Variants in FBXL18 observed in about 807,000 individuals in gnomAD.
FBXL18 encodes the protein F-box and leucine rich repeat protein 18, also known as F-box/LRR-repeat protein 18.
In FBXL18, 36 loss-of-function variants were observed where a neutral mutation model predicts 46.0. The observed-to-expected ratio is 0.78, with a 90% CI of 0.60 to 1.03. The LOEUF (loss-of-function observed/expected upper bound fraction) is 1.03. FBXL18 is among the 50% of genes least tolerant of loss of function. FBXL18 has a pLI of 0.00. For missense variants in FBXL18, 977 were observed against 1,004.1 expected (o/e 0.97, Z 0.36); for synonymous variants, 557 against 465.3 (o/e 1.20, Z -2.54).
chr7:5,461,062 G>C (rs1475338542), intron 4 of FBXL18, among the ~76,000 whole-genome samples: 1 of 152,214 alleles, frequency 6.6e-6, no homozygotes, highest in Non-Finnish European at 1.5e-5. Context: ...GTCCCCGCCA[G>C]CCTTTCTCCT....
intron 1 of FBXL18, 87 bp from the exon 2 acceptor site, chr7:5,505,717 G>C: frequency 9.0e-7 from 1 of 1,107,310 alleles, no homozygotes; most frequent in Non-Finnish European, 1.3e-6. Flanking sequence ...GCAAAGAGAA[G>C]CCCTTATCCA....
intron 2 of FBXL18, among the ~76,000 whole-genome samples, chr7:5,504,477 T>G (rs1291284168): frequency 1.4e-5 from 2 of 146,118 alleles, no homozygotes; most frequent in Non-Finnish European, 3.0e-5. Flanking sequence ...GCTAATTTTT[T>G]GTATTTTTTG....
intron 4 of FBXL18, among the ~76,000 whole-genome samples, chr7:5,467,432 G>T (rs1300747306): frequency 1.7e-4 from 26 of 151,650 alleles, no homozygotes; most frequent in Non-Finnish European, 2.9e-5. Flanking sequence ...TATAATCCCA[G>T]TGACTCGGGA....
chr7:5,461,648 G>A (rs1365117861), intron 4 of FBXL18, among the ~76,000 whole-genome samples: 1 of 151,488 alleles, frequency 6.6e-6, no homozygotes, highest in Admixed American at 6.6e-5. Context: ...GTCTCTAAAA[G>A]AAACAAAATT....
chr7:5,462,741 G>A (rs10271202), intron 4 of FBXL18, among the ~76,000 whole-genome samples: 161 of 151,530 alleles, frequency 1.1e-3, no homozygotes, highest in African/African-American at 3.6e-3. Flanking sequence ...CACGAGGTCA[G>A]GAGATTCAGA....
chr7:5,489,065 G>A (rs944760862), intron 4 of FBXL18: 2 of 300,230 alleles, frequency 6.7e-6, no homozygotes, highest in South Asian at 2.7e-5. Context: ...TGGTTCCACC[G>A]CAGGCGAAGT....
intron 4 of FBXL18, among the ~76,000 whole-genome samples, chr7:5,459,192 C>T (rs35543958): frequency 0.14 from 21,889 of 152,178 alleles, 1,717 homozygotes; most frequent in South Asian, 0.26. Context: ...AGAAAACAAA[C>T]GTGTGACCTA....
Position 5,480,477 on chromosome 7 carries a change from C to T in FBXL18, c.*1298G>A, listed in dbSNP as rs1468001050. On this transcript the variant is annotated 3_prime_UTR_variant, in exon 5 of 5. Coordinates refer to ENST00000382368, the MANE Select transcript of FBXL18 (RefSeq NM_024963.6). Reference sequence around the variant, plus strand: ...AGAGATGGGGTATCCCTGTGTTGCCCAGGCTGATCTCAAACTCCTGGGCTC... The same window carrying T: ...AGAGATGGGGTATCCCTGTGTTGCCTAGGCTGATCTCAAACTCCTGGGCTC... 1 of 150,224 alleles carries T rather than the reference C, an allele frequency of 6.7e-6. No homozygotes were observed. Among genetic ancestry groups the T allele is most frequent in the African/African-American group, 2.5e-5 (1 of 40,466 alleles). The allele number at this position is 150,224 out of a possible 1,614,324, so 9.3% of individuals were successfully genotyped here.
chr7:5,491,174 A>T, intron 4 of FBXL18, 57 bp downstream of exon 4: 1 of 1,482,388 alleles, frequency 6.7e-7, no homozygotes. Flanking sequence ...GGACCAGGTC[A>T]CGGGATGCTG....
In FBXL18 at chr7:5,463,728, A is replaced by ATTTTT. The variant is rs552002078; in HGVS notation, c.2001-15890_2001-15886dup. ...TATTTATTTATTTATTTATTTATTT[A>ATTTTT]TTTTTTTTTTTTTTTTTTTTTTTTT... On this transcript the variant is annotated intron_variant and NMD_transcript_variant, in intron 4 of 6. Transcript: ENST00000415009. Among the ~76,000 whole-genome samples, 105 of 53,010 alleles carry ATTTTT rather than the reference A, an allele frequency of 2.0e-3. 1 individual carries two copies. Among genetic ancestry groups the ATTTTT allele is most frequent in the Non-Finnish European group, 2.7e-3 (81 of 30,056 alleles). The allele number at this position is 53,010 out of a possible 152,430, so 34.8% of individuals were successfully genotyped here.
In FBXL18 at chr7:5,481,569, A is replaced by G. The variant is rs1783646116; in HGVS notation, c.*206T>C. ...TCCCCCGAGCCCCCTCATGTCACCC[A>G]GAACGCATCCCCTCGACCTAAACTT... On this transcript the variant is annotated 3_prime_UTR_variant, in exon 5 of 5. Transcript: ENST00000382368. 1.2e-5 allele frequency: 6 copies of G among 509,242 alleles called. 1 individual carries two copies. In the South Asian group the frequency reaches 1.3e-4, roughly 11 times the overall value. The allele number at this position is 509,242 out of a possible 1,614,324, so 31.5% of individuals were successfully genotyped here. A position where few individuals can be genotyped will look rare whatever the true frequency, so the allele number is the denominator to read the frequency against.
intron 3 of FBXL18, among the ~76,000 whole-genome samples, chr7:5,495,626 G>C (rs1281889255): frequency 6.6e-6 from 1 of 152,204 alleles, no homozygotes; most frequent in Non-Finnish European, 1.5e-5. Flanking sequence ...GCTGGCGTGG[G>C]ATTCCAAGCT....
intron 4 of FBXL18, among the ~76,000 whole-genome samples, chr7:5,459,689 G>A (rs1225957480): frequency 6.6e-6 from 1 of 150,630 alleles, no homozygotes; most frequent in Non-Finnish European, 1.5e-5. Context: ...GCAGTGAGCA[G>A]AGATTGTGCC....
At chr7:5,484,468 T>TAAA (rs1783725053) in intron 4 of FBXL18, among the ~76,000 whole-genome samples, 1 of 91,360 alleles carries the variant, frequency 1.1e-5, no homozygotes, top group South Asian at 4.5e-4. Context: ...AGACTCTGTC[T>TAAA]CAAAAAAAAA....
At chr7:5,464,142 A>G (rs539864385) in intron 4 of FBXL18, among the ~76,000 whole-genome samples, 1 of 152,176 alleles carries the variant, frequency 6.6e-6, no homozygotes, top group African/African-American at 2.4e-5. Flanking sequence ...CCAGGAGTTC[A>G]AGACCAGCCT....
At chr7:5,494,331 G>A (rs1458720676) in intron 3 of FBXL18, among the ~76,000 whole-genome samples, 1 of 151,592 alleles carries the variant, frequency 6.6e-6, no homozygotes, top group Non-Finnish European at 1.5e-5. Context: ...CCCAGCTACT[G>A]GGGAGGCGAA....
intron 3 of FBXL18, among the ~76,000 whole-genome samples, chr7:5,493,725 G>C (rs1783995460): frequency 6.7e-6 from 1 of 148,708 alleles, no homozygotes; most frequent in Non-Finnish European, 1.5e-5. Flanking sequence ...ATGTTGCCCA[G>C]GCTGGTCTCC....
intron 1 of FBXL18, among the ~76,000 whole-genome samples, chr7:5,507,721 C>A (rs1444780579): frequency 6.6e-6 from 1 of 151,424 alleles, no homozygotes; most frequent in Non-Finnish European, 1.5e-5. Flanking sequence ...GTAGTCCCAG[C>A]TACTCAGGAG....
At chr7:5,493,384 C>T (rs1312600323) in intron 3 of FBXL18, among the ~76,000 whole-genome samples, 2 of 152,202 alleles carry the variant, frequency 1.3e-5, no homozygotes, top group African/African-American at 4.8e-5. Flanking sequence ...TCATTGCAAG[C>T]TCCCGGGTTC....
Sources: gnomAD v4.1 joint callset for allele counts (sites outside exome capture counted in the v4.1 genomes callset) on GRCh38, gnomAD v4.1.1 for gene constraint, MANE v1.5 for transcripts, NCBI Gene and HGNC (gene_info 2026-07-23, HGNC 2026-07-21) for gene names.